The following AKAP10 variants were observed in gnomAD, a reference collection of about 807,000 sequenced individuals.
AKAP10 encodes A-kinase anchor protein 10, mitochondrial.
AKAP10 carries 24 observed loss-of-function variants against 80.8 expected under a neutral mutation model. The ratio of observed to expected loss-of-function variants is 0.30; its 90% CI spans 0.22 to 0.42. AKAP10 has a LOEUF of 0.42. AKAP10 is among the 10% of genes least tolerant of loss of function. AKAP10 has a pLI of 1.00. For synonymous variants in AKAP10, 291 were observed against 277.7 expected (o/e 1.05, Z -0.48); for missense variants, 661 against 794.9 (o/e 0.83, Z 2.03).
At chr17:19,951,183 T>TG (rs1384027026) in intron 4 of AKAP10, among the ~76,000 whole-genome samples, 1 of 93,852 alleles carries the variant, frequency 1.1e-5, no homozygotes, top group East Asian at 2.9e-4. Context: ...GGGAGGGAGG[T>TG]GGGGGGTCAG....
intron 5 of AKAP10, among the ~76,000 whole-genome samples, chr17:19,946,700 T>C (rs991636403): frequency 6.6e-6 from 1 of 150,738 alleles, no homozygotes; most frequent in South Asian, 2.1e-4. Context: ...ATTGTCTTTA[T>C]TCAGAAGAAT....
chr17:19,919,932 G>A, intron 12 of AKAP10, 104 bp downstream of exon 12: 8 of 921,186 alleles, frequency 8.7e-6, no homozygotes, highest in Non-Finnish European at 1.3e-5. Context: ...AGATACAGTG[G>A]TTACTTTACA....
intron 4 of AKAP10, among the ~76,000 whole-genome samples, chr17:19,949,858 C>T (rs1268542585): frequency 6.6e-6 from 1 of 150,688 alleles, no homozygotes; most frequent in Non-Finnish European, 1.5e-5. Context: ...ATCCCTAGTT[C>T]TATTTTTATG....
At chr17:19,977,350 T>C (rs2043582566) in intron 1 of AKAP10, among the ~76,000 whole-genome samples, 1 of 152,240 alleles carries the variant, frequency 6.6e-6, no homozygotes, top group African/African-American at 2.4e-5. Context: ...GGAACTTCTA[T>C]GGGCTTTAGC....
At chr17:19,967,537 G>A (rs1412249070) in intron 2 of AKAP10, among the ~76,000 whole-genome samples, 1 of 152,172 alleles carries the variant, frequency 6.6e-6, no homozygotes, top group Non-Finnish European at 1.5e-5. Context: ...AATAAGAAGG[G>A]CACTGGTTCA....
At chr17:19,918,925 A>AT (rs528508655) in intron 12 of AKAP10, among the ~76,000 whole-genome samples, 47 of 152,144 alleles carry the variant, frequency 3.1e-4, no homozygotes, top group African/African-American at 1.1e-3. Flanking sequence ...ACATATATTT[A>AT]TTTTTTTTAA....
At chr17:19,970,816 C>G (rs1265822704) in intron 1 of AKAP10, among the ~76,000 whole-genome samples, 1 of 151,634 alleles carries the variant, frequency 6.6e-6, no homozygotes, top group Non-Finnish European at 1.5e-5. Flanking sequence ...GAGCAAGACT[C>G]TGTCTTAAAA....
rs2042615180 is a variant in AKAP10 at position 19,904,777 on chromosome 17, T to C, written c.*1450A>G. 1.3e-5 allele frequency: 2 copies of C among 151,990 alleles called. No individual in the cohort carries two copies. The highest frequency in any genetic ancestry group is 4.8e-5 in the African/African-American group (2 of 41,412). 9.4% of individuals were successfully genotyped at this position (151,990 alleles called of 1,614,324 possible). ...TTGACACAATTTTAAATAGAATTCA[T>C]ATATATATATTTTAAAATCAAACAC... On this transcript the variant is annotated 3_prime_UTR_variant, in exon 15 of 15. Coordinates refer to ENST00000225737, the MANE Select transcript of AKAP10 (RefSeq NM_007202.4).
At position 19,941,861 on chromosome 17, in the gene AKAP10, C is replaced by G. The variant is rs1555575918; in HGVS notation, c.1026G>C (p.Leu342Phe). Reference sequence around the variant, plus strand: ...TTGCACTAAAGACTATGGACTGTGCCAAAACGAAACAGTTGGGATCCACCT... The same window carrying G: ...TTGCACTAAAGACTATGGACTGTGCGAAAACGAAACAGTTGGGATCCACCT... ...DGQVDPNCFV[L>F]AQSIVFSAME... Residue 342 changes from leucine to phenylalanine, a missense_variant, in exon 6 of 15, where the codon TTG becomes TTC. Leu to Phe is a conservative substitution (Grantham distance 22). Coordinates refer to ENST00000225737, the MANE Select transcript of AKAP10 (RefSeq NM_007202.4). 1.2e-6 allele frequency: 2 copies of G among 1,610,158 alleles called. No homozygotes were observed. Among genetic ancestry groups the G allele is most frequent in the South Asian group, 2.2e-5 (2 of 90,222 alleles).
Position 19,909,175 on chromosome 17 carries a change from C to T in AKAP10, c.1983+6G>A. 6.2e-7 allele frequency: 1 copy of T among 1,602,672 alleles called. No homozygotes were observed. Among genetic ancestry groups the T allele is most frequent in the East Asian group, 2.2e-5 (1 of 44,484 alleles). ...TTTAGTTTACACAAAACGAAGTCAT[C>T]CTTACCTTTGTAGATTTCTCTAACG... On this transcript the variant is annotated splice_donor_region_variant and intron_variant, in intron 14 of 14. Transcript: ENST00000225737.
intron 11 of AKAP10, among the ~76,000 whole-genome samples, 157 bp from the exon 12 acceptor site, chr17:19,920,275 A>C (rs368270914): frequency 2.0e-5 from 3 of 152,370 alleles, no homozygotes; most frequent in East Asian, 3.9e-4. Flanking sequence ...TTGAAATAAA[A>C]CATTGCTGCA....
chr17:19,933,013 T>C (rs1418310766), intron 9 of AKAP10, among the ~76,000 whole-genome samples: 1 of 152,022 alleles, frequency 6.6e-6, no homozygotes, highest in South Asian at 2.1e-4. Flanking sequence ...ATACGTGCCT[T>C]TGTTGTTTGT....
intron 12 of AKAP10, among the ~76,000 whole-genome samples, chr17:19,911,835 C>CAAAAAAAAAAAAAAAAAAAAAAAAAAAAA (rs71157844): frequency 1.8e-5 from 1 of 54,984 alleles, no homozygotes; most frequent in African/African-American, 5.2e-5. Flanking sequence ...AACTCTGTCA[C>CAAAAAAAAAAAAAAAAAAAAAAAAAAAAA]AAAAAAAAAA....
chr17:19,931,268 A>G (rs1242155874), intron 10 of AKAP10, among the ~76,000 whole-genome samples: 4 of 152,250 alleles, frequency 2.6e-5, no homozygotes, highest in Non-Finnish European at 5.9e-5. Context: ...TAAGAGAAAC[A>G]GCCACAGATT....
At chr17:19,928,496 T>C (rs1304585244) in intron 10 of AKAP10, among the ~76,000 whole-genome samples, 1 of 152,152 alleles carries the variant, frequency 6.6e-6, no homozygotes, top group East Asian at 1.9e-4. Flanking sequence ...TGCAGCCTTT[T>C]CGGAAAACAA....
intron 1 of AKAP10, among the ~76,000 whole-genome samples, chr17:19,970,605 T>C (rs897033093): frequency 6.6e-6 from 1 of 152,092 alleles, no homozygotes; most frequent in African/African-American, 2.4e-5. Context: ...GGTGGCTCAC[T>C]TAAGGTCAGG....
intron 9 of AKAP10, among the ~76,000 whole-genome samples, chr17:19,935,052 G>A (rs1597502230): frequency 6.6e-6 from 1 of 152,018 alleles, no homozygotes; most frequent in African/African-American, 2.4e-5. Context: ...CAGAATTTCC[G>A]TTAGGCTGCT....
In AKAP10 at chr17:19,946,223, TATATATATATATATTATATA is replaced by T. The variant is rs1206436178; in HGVS notation, c.976+1164_976+1183del. ...ATATATTTTATATATATATATATTT[TATATATATATATATTATATA>T]TATATATATATATATATATATATAT... On this transcript the variant is annotated intron_variant, in intron 5 of 14. Coordinates refer to ENST00000225737, the MANE Select transcript of AKAP10 (RefSeq NM_007202.4). Among the ~76,000 whole-genome samples the T allele has an allele frequency of 1.8e-3, 24 of 13,418 alleles. 1 individual carries two copies. Among genetic ancestry groups the T allele is most frequent in the African/African-American group, 6.0e-3 (22 of 3,660 alleles). The allele number at this position is 13,418 out of a possible 152,430, so 8.8% of individuals were successfully genotyped here. A position where few individuals can be genotyped will look rare whatever the true frequency, so the allele number is the denominator to read the frequency against.
intron 1 of AKAP10, among the ~76,000 whole-genome samples, chr17:19,974,706 ATTT>A (rs55940277): frequency 6.8e-6 from 1 of 146,592 alleles, no homozygotes; most frequent in Admixed American, 6.8e-5. Flanking sequence ...ACCTAGAATG[ATTT>A]TTTTTTTTTT....
Sources: allele counts gnomAD v4.1 joint callset (sites outside exome capture counted in the v4.1 genomes callset), GRCh38; gene constraint gnomAD v4.1.1; transcripts MANE v1.5; gene names NCBI Gene and HGNC (gene_info 2026-07-23, HGNC 2026-07-21).